CLMN: variants seen among roughly 807,000 people sequenced by gnomAD.
CLMN encodes calmin, also known as calmin (calponin-like, transmembrane).
CLMN carries 57 observed loss-of-function variants against 92.7 expected under a neutral mutation model. That is an observed-to-expected ratio of 0.61 (90% confidence interval 0.50 to 0.77). CLMN has a LOEUF of 0.77. Among genes scored for constraint, CLMN ranks in the 30% least tolerant of loss-of-function variants. The pLI is 0.00. For missense variants in CLMN, 1,158 were observed against 1,237.5 expected, an observed-to-expected ratio of 0.94 and a Z score of 0.96; for synonymous variants, 466 against 470.6, an observed-to-expected ratio of 0.99 and a Z score of 0.13.
At chr14:95,292,044 C>A (rs1254623798) in intron 1 of CLMN, among the ~76,000 whole-genome samples, 2 of 152,224 alleles carry the variant, frequency 1.3e-5, no homozygotes, top group Non-Finnish European at 2.9e-5. Context: ...CCTCATCTGG[C>A]CTCACTGCAA....
At chr14:95,265,284 C>T (rs1012172475) in intron 1 of CLMN, among the ~76,000 whole-genome samples, 2 of 152,026 alleles carry the variant, frequency 1.3e-5, no homozygotes, top group Non-Finnish European at 2.9e-5. Flanking sequence ...AAGCAGACGG[C>T]CCTCCATCAA....
intron 1 of CLMN, among the ~76,000 whole-genome samples, chr14:95,252,808 G>A (rs940324864): frequency 6.6e-6 from 1 of 152,198 alleles, no homozygotes; most frequent in Non-Finnish European, 1.5e-5. Context: ...TATTCAGTGA[G>A]TGCTGTCACG....
In CLMN at chr14:95,221,838, C is replaced by G. The variant is rs537538722; in HGVS notation, c.241-64G>C. 40 of 1,470,194 alleles carry G rather than the reference C, an allele frequency of 2.7e-5. No individual in the cohort carries two copies. In the African/African-American group the frequency reaches 4.8e-4, roughly 18 times the overall value. The allele number at this position is 1,470,194 out of a possible 1,614,324, so 91.1% of individuals were successfully genotyped here. ...CGCACAGGCACTTCCCAACACCCAG[C>G]GGTGCTGCTGGGTGTGCTTTACTTT... On this transcript the variant is annotated intron_variant, in intron 3 of 12. Coordinates refer to ENST00000298912, the MANE Select transcript of CLMN (RefSeq NM_024734.4).
intron 1 of CLMN, among the ~76,000 whole-genome samples, chr14:95,300,915 T>G (rs1031520966): frequency 1.3e-5 from 2 of 152,226 alleles, no homozygotes; most frequent in African/African-American, 4.8e-5. Context: ...TGTAGGAAGC[T>G]GCTGTTGCAT....
At chr14:95,234,065 C>T (rs934867621) in intron 1 of CLMN, among the ~76,000 whole-genome samples, 16 of 152,204 alleles carry the variant, frequency 1.1e-4, no homozygotes, top group Non-Finnish European at 2.2e-4. Context: ...AACTCAAGCC[C>T]GCCCCAGAAC....
intron 12 of CLMN, chr14:95,193,493 A>T: frequency 1.1e-6 from 1 of 915,902 alleles, no homozygotes; most frequent in Non-Finnish European, 1.6e-6. Context: ...CAAGACCACC[A>T]CCTCTTCTCC....
chr14:95,288,320 G>A (rs969615712), intron 1 of CLMN, among the ~76,000 whole-genome samples: 1 of 152,194 alleles, frequency 6.6e-6, no homozygotes. Context: ...GAGGTTTTGG[G>A]ATCACAGTAG....
intron 1 of CLMN, among the ~76,000 whole-genome samples, chr14:95,268,111 C>T (rs1275597598): frequency 6.6e-6 from 1 of 152,094 alleles, no homozygotes; most frequent in East Asian, 1.9e-4. Flanking sequence ...TAGTTCAGTA[C>T]AGTGACTATG....
intron 1 of CLMN, among the ~76,000 whole-genome samples, chr14:95,233,184 C>T (rs915581791): frequency 4.6e-5 from 7 of 151,952 alleles, no homozygotes; most frequent in African/African-American, 1.7e-4. Flanking sequence ...CAAAGTATAT[C>T]CCCTGAAACA....
chr14:95,317,830 A>AT (rs1901862525), intron 1 of CLMN, among the ~76,000 whole-genome samples: 1 of 152,238 alleles, frequency 6.6e-6, no homozygotes, highest in African/African-American at 2.4e-5. Flanking sequence ...GTTGAACTTA[A>AT]TAAGTGCACA....
chr14:95,275,672 C>T (rs984729240), intron 1 of CLMN, among the ~76,000 whole-genome samples: 1 of 152,284 alleles, frequency 6.6e-6, no homozygotes, highest in Admixed American at 6.5e-5. Context: ...TATTCCTTTA[C>T]TTTCTTTCTG....
At chr14:95,230,157 G>T in intron 1 of CLMN, 24 bp from the exon 2 acceptor site, 1 of 1,609,132 alleles carries the variant, frequency 6.2e-7, no homozygotes, top group Non-Finnish European at 8.5e-7. Context: ...CATACCATCA[G>T]CTGGGAGAAT....
chr14:95,274,751 C>T (rs894860003), intron 1 of CLMN, among the ~76,000 whole-genome samples: 3 of 152,132 alleles, frequency 2.0e-5, no homozygotes, highest in Non-Finnish European at 4.4e-5. Context: ...GAGGCCAAAG[C>T]GGGCGGATCA....
intron 1 of CLMN, among the ~76,000 whole-genome samples, chr14:95,258,117 A>T (rs889054128): frequency 6.6e-6 from 1 of 150,946 alleles, no homozygotes; most frequent in Non-Finnish European, 1.5e-5. Flanking sequence ...GCACATGTGC[A>T]GTGTTTATGT....
chr14:95,195,296 C>T (rs575249390), intron 10 of CLMN, among the ~76,000 whole-genome samples: 5 of 152,330 alleles, frequency 3.3e-5, no homozygotes, highest in Non-Finnish European at 7.4e-5. Flanking sequence ...CAGAGCCCAG[C>T]GACATGAGAA....
chr14:95,252,573 C>T (rs547706573), intron 1 of CLMN, among the ~76,000 whole-genome samples: 10 of 152,232 alleles, frequency 6.6e-5, no homozygotes, highest in Non-Finnish European at 1.2e-4. Flanking sequence ...GTTCTGACTA[C>T]GAAGGACCTT....
chr14:95,289,132 A>G (rs1595098713), intron 1 of CLMN, among the ~76,000 whole-genome samples: 1 of 152,326 alleles, frequency 6.6e-6, no homozygotes, highest in Middle Eastern at 3.4e-3. Context: ...GTGTGTGCAC[A>G]CATCACATAC....
At chr14:95,245,285 T>TATAATATATATATATA (rs1898502163) in intron 1 of CLMN, among the ~76,000 whole-genome samples, 1 of 72,998 alleles carries the variant, frequency 1.4e-5, no homozygotes, top group African/African-American at 7.4e-5. Context: ...TATATATAGT[T>TATAATATATATATATA]TTGTTTTGTT....
chr14:95,203,114 T>G lies in CLMN; in HGVS notation c.2235A>C (p.Glu745Asp), dbSNP rs1294176301. 1 of 1,613,466 alleles carries G rather than the reference T, an allele frequency of 6.2e-7. No homozygotes were observed. Among genetic ancestry groups the G allele is most frequent in the East Asian group, 2.2e-5 (1 of 44,874 alleles). Residue 745 changes from glutamate (E) to aspartate (D), a missense_variant, in exon 9 of 13, where the codon GAA becomes GAC. By Grantham distance (45) the Glu-to-Asp change is conservative (BLOSUM62 2). Transcript: ENST00000298912. ...CTTCATTTTTTAGATCCTCCGGGTC[T>G]TCTACATAAGCCTCCAAAACTGCAG... ...PLAAVLEAYVEDPEDLKNEEM... is the reference protein window; with the variant it reads ...PLAAVLEAYVDDPEDLKNEEM...
Sources: allele counts gnomAD v4.1 joint callset (sites outside exome capture counted in the v4.1 genomes callset), GRCh38; gene constraint gnomAD v4.1.1; transcripts MANE v1.5; gene names NCBI Gene and HGNC (gene_info 2026-07-23, HGNC 2026-07-21).